Variants in MTOR observed in about 807,000 individuals in gnomAD.
The protein encoded by MTOR is mechanistic target of rapamycin kinase, also known as serine/threonine-protein kinase mTOR.
Under a neutral mutation model 319.8 loss-of-function variants are expected in MTOR, and 70 were observed. The observed-to-expected ratio is 0.22, with a 90% CI of 0.18 to 0.27. The LOEUF (loss-of-function observed/expected upper bound fraction) is 0.27, where lower values mean the gene tolerates loss of function less well. MTOR is among the 10% of genes least tolerant of loss of function. MTOR has a pLI of 1.00. For missense variants in MTOR, 1,890 were observed against 3,274.4 expected (o/e 0.58, Z 10.32); for synonymous variants, 1,183 against 1,211.4 (o/e 0.98, Z 0.49).
At chr1:11,152,846 G>C (rs1644194840) in intron 30 of MTOR, among the ~76,000 whole-genome samples, 1 of 152,184 alleles carries the variant, frequency 6.6e-6, no homozygotes, top group Admixed American at 6.5e-5. Context: ...ATATGATCAG[G>C]AAAAATATTC....
intron 28 of MTOR, among the ~76,000 whole-genome samples, chr1:11,168,876 A>C (rs1644726161): frequency 6.6e-6 from 1 of 152,228 alleles, no homozygotes; most frequent in Non-Finnish European, 1.5e-5. Flanking sequence ...GAGTTATGGA[A>C]GGAAGGGAAA....
At chr1:11,193,720 C>T (rs373835751) in intron 28 of MTOR, 14 of 1,613,938 alleles carry the variant, frequency 8.7e-6, no homozygotes, top group Non-Finnish European at 1.1e-5. Context: ...GGCTGGGGAA[C>T]GAACACATCC....
intron 13 of MTOR, among the ~76,000 whole-genome samples, chr1:11,236,569 G>A (rs1200490410): frequency 6.7e-6 from 1 of 149,868 alleles, no homozygotes; most frequent in Non-Finnish European, 1.5e-5. Context: ...GTGCAGTGGC[G>A]CGCTCTCGGC....
At position 11,112,853 on chromosome 1, in the gene MTOR, G is replaced by A. The variant is rs878854749; in HGVS notation, c.7365C>T (p.Val2455=). 10 of 1,614,066 alleles carry A rather than the reference G, an allele frequency of 6.2e-6. No homozygotes were observed. The Admixed American group carries it at 6.7e-5, about 11-fold the overall frequency. Residue 2455 remains valine, a splice_region_variant and synonymous_variant, in exon 54 of 58, where the codon GTC becomes GTT. Coordinates refer to ENST00000361445, the MANE Select transcript of MTOR (RefSeq NM_004958.4). ...GCGACCTCCCGTGGATGCACCTACC[G>A]ACTGACTGGCCAGCAGAGTAGGAAT... is the stretch of plus-strand genomic sequence containing the variant. The part of the protein sequence containing the change: ...RTDSYSAGQS[V]EILDGVELGE...
chr1:11,217,939 G>C (rs1646528033), intron 19 of MTOR, among the ~76,000 whole-genome samples: 1 of 152,112 alleles, frequency 6.6e-6, no homozygotes, highest in Admixed American at 6.5e-5. Context: ...ACAGGATTGG[G>C]CTTAAAGAAG....
intron 5 of MTOR, among the ~76,000 whole-genome samples, chr1:11,254,523 T>C (rs1650107818): frequency 6.6e-6 from 1 of 152,160 alleles, no homozygotes; most frequent in Admixed American, 6.5e-5. Flanking sequence ...GCTCAAAGAA[T>C]TTAAGTGACT....
rs558568310 is a variant in MTOR at position 11,177,096 on chromosome 1, G to T, written c.4254-9579C>A. Among the ~76,000 whole-genome samples the T allele has an allele frequency of 2.0e-5, 3 of 152,280 alleles. No individual in the cohort carries two copies. The East Asian group carries it at 5.8e-4, about 29-fold the overall frequency. On this transcript the variant is annotated intron_variant, in intron 28 of 57. Transcript: ENST00000361445. ...GATGAAGACAGTACCTCTGGGTCTGGCAGGGCTGGAACTTAGGAAAAAGAA... is the reference window on the plus strand; with the variant it reads ...GATGAAGACAGTACCTCTGGGTCTGTCAGGGCTGGAACTTAGGAAAAAGAA...
At position 11,109,228 on chromosome 1, in the gene MTOR, C is replaced by T. The variant is rs1036378834; in HGVS notation, c.7528+62G>A. 3 of 1,500,094 alleles carry T rather than the reference C, an allele frequency of 2.0e-6. No homozygotes were observed. The highest frequency in any genetic ancestry group is 2.8e-6 in the Non-Finnish European group (3 of 1,085,132). 92.9% of individuals were successfully genotyped at this position (1,500,094 alleles called of 1,614,324 possible). On this transcript the variant is annotated intron_variant, in intron 56 of 57. Transcript: ENST00000361445. The surrounding 1 kb of genome is among the most constrained non-coding windows in gnomAD (Gnocchi z 4.0). Reference sequence around the variant, plus strand: ...CCACTGGACATGGGGCTGACCACCACTCAGAGAGGAAAGTGTGCTCAGATT... The same window carrying T: ...CCACTGGACATGGGGCTGACCACCATTCAGAGAGGAAAGTGTGCTCAGATT...
chr1:11,182,813 A>G (rs1557813561), intron 28 of MTOR, among the ~76,000 whole-genome samples: 1 of 152,194 alleles, frequency 6.6e-6, no homozygotes, highest in African/African-American at 2.4e-5. Flanking sequence ...TTTCCTTTCT[A>G]TTGCTGAACA....
chr1:11,194,354 C>T, intron 28 of MTOR: 3 of 1,025,090 alleles, frequency 2.9e-6, no homozygotes. Context: ...TAGATTCACA[C>T]CTATAAAAAG....
chr1:11,233,078 CA>C, intron 15 of MTOR: 22 of 1,093,952 alleles, frequency 2.0e-5, no homozygotes, highest in South Asian at 2.5e-5. Context: ...GGTACAACTC[CA>C]AAAAAAGACA....
At position 11,185,135 on chromosome 1, in the gene MTOR, C is replaced by T. The variant is rs1645273306; in HGVS notation, c.4253+14123G>A. Among the ~76,000 whole-genome samples the T allele has an allele frequency of 1.3e-5, 2 of 152,110 alleles. 1 individual carries two copies. The highest frequency in any genetic ancestry group is 4.1e-4 in the South Asian group (2 of 4,828). On this transcript the variant is annotated intron_variant, in intron 28 of 57. Transcript: ENST00000361445. ...TCCCATCCTAGCATGTCACACTGTC[C>T]AAGAGTTCAGCTGTCTAACTAGACT...
At chr1:11,134,123 G>A (rs757779793) in intron 37 of MTOR, among the ~76,000 whole-genome samples, 1 of 152,106 alleles carries the variant, frequency 6.6e-6, no homozygotes, top group East Asian at 1.9e-4. Flanking sequence ...AAAACCAGAC[G>A]CCAGGAGAAC....
chr1:11,108,923 G>A (rs1382217435), intron 56 of MTOR, among the ~76,000 whole-genome samples: 3 of 152,172 alleles, frequency 2.0e-5, no homozygotes, highest in Middle Eastern at 3.4e-3. Context: ...GGGAGGCAGA[G>A]GTTGCAGTGA....
intron 38 of MTOR, chr1:11,131,834 T>C (rs1643176496): frequency 6.6e-6 from 1 of 152,228 alleles, no homozygotes; most frequent in South Asian, 2.1e-4. Flanking sequence ...AATTCGTTTG[T>C]ATGCCTTGCC....
At position 11,164,334 on chromosome 1, in the gene MTOR, GAAA is replaced by G. The variant is rs547043272; in HGVS notation, c.4329+3105_4329+3107del. 9.5e-3 allele frequency among the ~76,000 whole-genome samples: 572 copies of G among 60,116 alleles called. 4 individuals carry two copies. The highest frequency in any genetic ancestry group is 0.029 in the African/African-American group (535 of 18,344). 39.4% of individuals were successfully genotyped at this position (60,116 alleles called of 152,430 possible). A position where few individuals can be genotyped will look rare whatever the true frequency, so the allele number is the denominator to read the frequency against. On this transcript the variant is annotated intron_variant, in intron 29 of 57. Transcript: ENST00000361445. ...TGGGCGACAGAGTAAGACTCTGCCT[GAAA>G]AAAAAAAAAAAAAAAAAGAGAGAGA...
intron 20 of MTOR, 105 bp downstream of exon 20, chr1:11,216,043 C>A: frequency 1.4e-6 from 1 of 736,874 alleles, no homozygotes; most frequent in South Asian, 1.9e-5. Context: ...AAGACTGTAA[C>A]AGCTCTACAA....
chr1:11,255,995 G>A lies in MTOR; in HGVS notation c.702C>T (p.Tyr234=). Residue 234 remains tyrosine, a synonymous_variant, in exon 5 of 58, where the codon TAC becomes TAT. Coordinates refer to ENST00000361445, the MANE Select transcript of MTOR (RefSeq NM_004958.4). The part of the protein sequence containing the change: ...EPKEMQKPQW[Y]RHTFEEAEKG... ...GGGAATGGAGCCATCTCCTTACCCT[G>A]TACCACTGAGGCTTCTGCATCTCCT... The A allele has an allele frequency of 6.2e-7, 1 of 1,613,796 alleles. No individual in the cohort carries two copies. The highest frequency in any genetic ancestry group is 8.5e-7 in the Non-Finnish European group (1 of 1,179,926).
intron 36 of MTOR, among the ~76,000 whole-genome samples, chr1:11,138,278 TG>T (rs1214823908): frequency 6.6e-6 from 1 of 152,286 alleles, no homozygotes; most frequent in East Asian, 1.9e-4. Context: ...TGCTCTGGCC[TG>T]GGAGGCTCAC....
Sources: gnomAD v4.1 joint callset for allele counts (sites outside exome capture counted in the v4.1 genomes callset) on GRCh38, gnomAD v4.1.1 for gene constraint, Gnocchi (gnomAD v3.1) non-coding constraint, MANE v1.5 for transcripts, NCBI Gene and HGNC (gene_info 2026-07-23, HGNC 2026-07-21) for gene names.